The following TBXAS1 variants were observed in gnomAD, a reference collection of about 807,000 sequenced individuals.
TBXAS1 encodes the protein thromboxane-A synthase.
In TBXAS1, 48 loss-of-function variants were observed where a neutral mutation model predicts 60.7. The observed-to-expected ratio is 0.79, with a 90% CI of 0.63 to 1.01. The LOEUF (loss-of-function observed/expected upper bound fraction) is 1.01, where lower values mean the gene tolerates loss of function less well. TBXAS1 is among the 50% of genes least tolerant of loss of function. The probability of loss-of-function intolerance (pLI) is 0.00; values close to 1 mark genes in which losing one functional copy is unlikely to be tolerated. For synonymous variants in TBXAS1, 287 were observed against 269.7 expected, an observed-to-expected ratio of 1.06 and a Z score of -0.63; for missense variants, 685 against 686.3, an observed-to-expected ratio of 1.00 and a Z score of 0.02.
chr7:139,946,608 G>T (rs1388501804), intron 5 of TBXAS1, among the ~76,000 whole-genome samples: 2 of 152,170 alleles, frequency 1.3e-5, no homozygotes, highest in Admixed American at 6.5e-5. Context: ...ATGGGGAGTT[G>T]TCCCTGAGGA....
At chr7:139,877,431 T>C (rs999865002) in intron 3 of TBXAS1, among the ~76,000 whole-genome samples, 5 of 152,226 alleles carry the variant, frequency 3.3e-5, no homozygotes, top group African/African-American at 1.2e-4. Flanking sequence ...TGTTGTTGTT[T>C]GTTTGTTTTG....
chr7:139,779,591 G>C (rs998880493), intron 1 of TBXAS1, among the ~76,000 whole-genome samples: 4 of 151,998 alleles, frequency 2.6e-5, no homozygotes, highest in Non-Finnish European at 1.5e-5. Context: ...AGTGTTTTTT[G>C]CTCCACACCG....
In TBXAS1 at chr7:139,836,779, G is replaced by A. The variant is rs188160958; in HGVS notation, c.89+7300G>A. Among the ~76,000 whole-genome samples the A allele has an allele frequency of 1.8e-4, 28 of 152,126 alleles. No individual in the cohort carries two copies. In the East Asian group the frequency reaches 3.1e-3, roughly 17 times the overall value. ...GCAAGGATTTCATGACCAAAAACCC[G>A]AAAGCAAATGCAATAAAAACAAAGA... On this transcript the variant is annotated intron_variant, in intron 1 of 12. Coordinates refer to ENST00000448866, the MANE Select transcript of TBXAS1 (RefSeq NM_001061.7).
At chr7:139,827,502 C>T (rs115585015), upstream of TBXAS1, among the ~76,000 whole-genome samples, 1,280 of 151,752 alleles carry the variant, frequency 8.4e-3, 27 homozygotes, top group African/African-American at 0.029. Flanking sequence ...ATTCATCGGG[C>T]TCTTTGTTGC....
intron 10 of TBXAS1, 62 bp from the exon 11 acceptor site, chr7:140,015,661 C>T (rs577205400): frequency 5.2e-5 from 83 of 1,591,334 alleles, no homozygotes; most frequent in East Asian, 4.0e-4. Flanking sequence ...CTGCCCAGCA[C>T]GCCCCAAGCT....
intron 9 of TBXAS1, among the ~76,000 whole-genome samples, chr7:139,972,069 GT>G (rs1811241271): frequency 6.6e-6 from 1 of 152,126 alleles, no homozygotes; most frequent in Non-Finnish European, 1.5e-5. Flanking sequence ...ACTTGCAGGT[GT>G]TTTTTTCTGG....
intron 9 of TBXAS1, among the ~76,000 whole-genome samples, chr7:139,970,446 T>C (rs1029015525): frequency 1.3e-5 from 2 of 152,264 alleles, no homozygotes; most frequent in African/African-American, 4.8e-5. Context: ...GTGATGCTGA[T>C]ACAGCCAGTC....
At chr7:139,989,943 C>T (rs1438443340) in intron 9 of TBXAS1, among the ~76,000 whole-genome samples, 1 of 152,176 alleles carries the variant, frequency 6.6e-6, no homozygotes, top group Non-Finnish European at 1.5e-5. Flanking sequence ...AGAATCAAGC[C>T]GACTTGGCTT....
At chr7:140,015,292 A>G (rs1222794352) in intron 10 of TBXAS1, among the ~76,000 whole-genome samples, 4 of 152,182 alleles carry the variant, frequency 2.6e-5, no homozygotes, top group Admixed American at 1.3e-4. Context: ...GAGGGTGAGC[A>G]AGGGCAATTT....
intron 4 of TBXAS1, chr7:139,913,254 C>T (rs1805681612): frequency 1.5e-6 from 1 of 653,362 alleles, no homozygotes; most frequent in African/African-American, 1.8e-5. Flanking sequence ...GCTCAAAGTC[C>T]CCTGGAAGCC....
intron 1 of TBXAS1, among the ~76,000 whole-genome samples, chr7:139,870,194 A>G (rs1009857499): frequency 6.6e-6 from 1 of 152,210 alleles, no homozygotes; most frequent in Non-Finnish European, 1.5e-5. Context: ...TTGTGCATAG[A>G]CACACTAGCA....
intron 9 of TBXAS1, among the ~76,000 whole-genome samples, chr7:139,978,527 A>G (rs1811722476): frequency 6.6e-6 from 1 of 151,996 alleles, no homozygotes; most frequent in African/African-American, 2.4e-5. Context: ...AAAAGAAAGA[A>G]AAAAGAAATA....
At chr7:139,826,921 C>G (rs1798451827), upstream of TBXAS1, among the ~76,000 whole-genome samples, 1 of 152,162 alleles carries the variant, frequency 6.6e-6, no homozygotes, top group Non-Finnish European at 1.5e-5. Flanking sequence ...CTTTCCCAGA[C>G]TCCCTGTTTC....
intron 3 of TBXAS1, among the ~76,000 whole-genome samples, chr7:139,890,207 C>CT (rs57305084): frequency 0.27 from 23,152 of 85,540 alleles, 6,146 homozygotes; most frequent in Non-Finnish European, 0.36. Context: ...AGGATGCAGT[C>CT]TTTTTTTTTT....
intron 4 of TBXAS1, among the ~76,000 whole-genome samples, chr7:139,814,331 T>G (rs1798096742): frequency 6.6e-6 from 1 of 152,164 alleles, no homozygotes; most frequent in Non-Finnish European, 1.5e-5. Context: ...CATTTCAGAT[T>G]CAAAAAGCTG....
intron 4 of TBXAS1, among the ~76,000 whole-genome samples, chr7:139,920,596 T>C (rs1806391160): frequency 6.6e-6 from 1 of 152,148 alleles, no homozygotes; most frequent in African/African-American, 2.4e-5. Context: ...AACGTGAGCC[T>C]GTGAGAGAGA....
intron 4 of TBXAS1, among the ~76,000 whole-genome samples, chr7:139,818,594 C>G (rs548726994): frequency 1.6e-4 from 25 of 152,286 alleles, no homozygotes; most frequent in African/African-American, 6.0e-4. Flanking sequence ...CCCTTGGAGG[C>G]AGCTGCTGCC....
At chr7:139,857,901 T>A (rs550383596) in intron 1 of TBXAS1, among the ~76,000 whole-genome samples, 27 of 152,060 alleles carry the variant, frequency 1.8e-4, no homozygotes, top group African/African-American at 4.8e-4. Flanking sequence ...TGGCAATTTT[T>A]AAAAATTTTT....
chr7:139,829,156 G>T, upstream of TBXAS1: 1 of 654,652 alleles, frequency 1.5e-6, no homozygotes. Flanking sequence ...AGTCATCAAG[G>T]AATAAAGTTG....
Sources: gnomAD v4.1 joint callset for allele counts (sites outside exome capture counted in the v4.1 genomes callset) on GRCh38, gnomAD v4.1.1 for gene constraint, MANE v1.5 for transcripts, NCBI Gene and HGNC (gene_info 2026-07-23, HGNC 2026-07-21) for gene names.